DNAH5: variants seen among roughly 807,000 people sequenced by gnomAD.
DNAH5 encodes the protein dynein axonemal heavy chain 5.
In DNAH5, 372 loss-of-function variants were observed where a neutral mutation model predicts 518.2. The observed-to-expected ratio is 0.72, with a 90% CI of 0.66 to 0.78. DNAH5 has a LOEUF of 0.78. DNAH5 is among the 30% of genes least tolerant of loss of function. The pLI, the probability that DNAH5 is intolerant of heterozygous loss-of-function variation, is 0.00. For missense variants in DNAH5, 5,523 were observed against 5,687.0 expected (o/e 0.97, Z 0.93); for synonymous variants, 2,039 against 2,025.9 (o/e 1.01, Z -0.17).
chr5:13,797,176 G>A (rs1041458702), intron 47 of DNAH5, among the ~76,000 whole-genome samples: 2 of 152,144 alleles, frequency 1.3e-5, no homozygotes, highest in South Asian at 2.1e-4. Flanking sequence ...AAAAGCAATG[G>A]CAACAAAAGC....
chr5:13,828,480 G>T (rs1372198059), intron 38 of DNAH5, among the ~76,000 whole-genome samples: 1 of 152,130 alleles, frequency 6.6e-6, no homozygotes, highest in Admixed American at 6.5e-5. Flanking sequence ...ATATCACCTT[G>T]AGAGTAGGCA....
intron 56 of DNAH5, among the ~76,000 whole-genome samples, chr5:13,770,024 G>C (rs1427821889): frequency 3.9e-5 from 6 of 152,194 alleles, no homozygotes; most frequent in Non-Finnish European, 8.8e-5. Context: ...AATGATGTGG[G>C]CTTAAGAAAC....
chr5:13,871,699 C>T lies in DNAH5; in HGVS notation c.3463G>A (p.Ala1155Thr). The change falls in exon 23 of 79, where the codon GCC becomes ACC. Residue 1155 changes from alanine (A) to threonine (T), a missense_variant. Around this residue, in one of 3 missense-constraint regions of DNAH5, gnomAD observed 5,121 missense variants for 5,223.3 expected, o/e 0.98. Transcript: ENST00000265104. ...CTCTGTGTAATAAATGTCTTAATGG[C>T]TTCTTCTTTTCCCTTTTGCCAAATG... ...NHIWQKGKEE[A>T]IKTFITQSPL... 1.2e-6 allele frequency: 2 copies of T among 1,613,758 alleles called. No individual in the cohort carries two copies. Among genetic ancestry groups the T allele is most frequent in the Admixed American group, 3.3e-5 (2 of 59,936 alleles).
intron 22 of DNAH5, 114 bp from the exon 23 acceptor site, chr5:13,871,879 G>A (rs1181803831): frequency 3.2e-6 from 3 of 937,930 alleles, no homozygotes; most frequent in Non-Finnish European, 5.0e-6. Flanking sequence ...AATGTTTAGT[G>A]AACTGTGTGA....
intron 17 of DNAH5, among the ~76,000 whole-genome samples, chr5:13,888,096 T>A (rs527327190): frequency 1.3e-5 from 2 of 152,182 alleles, no homozygotes; most frequent in South Asian, 4.1e-4. Flanking sequence ...CAACTCCCAC[T>A]GCCCTCATGC....
chr5:13,776,714 A>C lies in DNAH5; in HGVS notation c.9106-8T>G. 6.2e-7 allele frequency: 1 copy of C among 1,613,512 alleles called. No homozygotes were observed. On this transcript the variant is annotated splice_region_variant and splice_polypyrimidine_tract_variant and intron_variant, in intron 54 of 78. Transcript: ENST00000265104. ...AGCAAATAGGTTAGAGACCTTAAAA[A>C]GAAGTACAGGCATGCAAATTCAGTA... is the stretch of plus-strand genomic sequence containing the variant.
At position 13,809,927 on chromosome 5, in the gene DNAH5, A is replaced by G. The variant is rs1475389123; in HGVS notation, c.7609+132T>C. 6 of 939,370 alleles carry G rather than the reference A, an allele frequency of 6.4e-6. No individual in the cohort carries two copies. The African/African-American group carries it at 8.2e-5, about 13-fold the overall frequency. 58.2% of individuals were successfully genotyped at this position (939,370 alleles called of 1,614,324 possible). ...AGAAACCACTGTTCACTTTCTTCAC[A>G]CACGAACGTTTTCATATCTTACAGC... On this transcript the variant is annotated intron_variant, in intron 45 of 78. Coordinates refer to ENST00000265104, the MANE Select transcript of DNAH5 (RefSeq NM_001369.3).
intron 1 of DNAH5, among the ~76,000 whole-genome samples, chr5:13,981,710 C>T (rs1334788623): frequency 6.6e-6 from 1 of 152,180 alleles, no homozygotes; most frequent in Non-Finnish European, 1.5e-5. Flanking sequence ...TCAGCTTTAT[C>T]AGTAATAACA....
At chr5:13,914,027 A>T in intron 10 of DNAH5, 69 bp from the exon 11 acceptor site, 1 of 1,545,270 alleles carries the variant, frequency 6.5e-7, no homozygotes. Flanking sequence ...TCTTAAGTGA[A>T]GGCGACAGCA....
chr5:13,809,233 T>C (rs1037519943), intron 45 of DNAH5, 47 bp from the exon 46 acceptor site: 1 of 1,608,882 alleles, frequency 6.2e-7, no homozygotes, highest in Non-Finnish European at 8.5e-7. Flanking sequence ...ATAATTCAAC[T>C]CCGAACTGTA....
At chr5:13,923,175 T>C in intron 4 of DNAH5, 105 bp downstream of exon 4, 3 of 1,433,288 alleles carry the variant, frequency 2.1e-6, no homozygotes, top group South Asian at 2.4e-5. Context: ...AAAGTAGTTT[T>C]AGATACTGTA....
Position 13,713,434 on chromosome 5 carries a change from C to CATATATATATATAT in DNAH5, c.13125+957_13125+970dup, listed in dbSNP as rs200836910. Among the ~76,000 whole-genome samples the CATATATATATATAT allele has an allele frequency of 1.1e-3, 81 of 70,630 alleles. 2 individuals carry two copies. The highest frequency in any genetic ancestry group is 4.1e-3 in the African/African-American group (69 of 16,978). The allele number at this position is 70,630 out of a possible 152,430, so 46.3% of individuals were successfully genotyped here. A position where few individuals can be genotyped will look rare whatever the true frequency, so the allele number is the denominator to read the frequency against. On this transcript the variant is annotated intron_variant, in intron 75 of 78. Coordinates refer to ENST00000265104, the MANE Select transcript of DNAH5 (RefSeq NM_001369.3). ...ACCGACATATATATATATACATCGA[C>CATATATATATATAT]ATATATATATATATATATATATATA...
At position 13,748,287 on chromosome 5, in the gene DNAH5, T is replaced by C. The variant is rs560814395; in HGVS notation, c.11211+2791A>G. Among the ~76,000 whole-genome samples the C allele has an allele frequency of 5.9e-5, 9 of 152,342 alleles. No individual in the cohort carries two copies. The South Asian group carries it at 1.7e-3, about 28-fold the overall frequency. The stretch of plus-strand genomic sequence containing the variant: ...TGCTGTTTTCGTTACTATAACCTTG[T>C]AGTATGTTTGAAGTCAGGTAGCGTG... On this transcript the variant is annotated intron_variant, in intron 65 of 78. Transcript: ENST00000265104.
chr5:13,901,104 C>T, intron 14 of DNAH5, 148 bp downstream of exon 14: 1 of 759,396 alleles, frequency 1.3e-6, no homozygotes, highest in Non-Finnish European at 2.2e-6. Context: ...TCTTTGTGGA[C>T]ATATTACACT....
intron 60 of DNAH5, among the ~76,000 whole-genome samples, chr5:13,761,182 T>C (rs1751718290): frequency 1.3e-5 from 2 of 152,334 alleles, no homozygotes; most frequent in East Asian, 1.9e-4. Context: ...AGAGATCTCA[T>C]TGTTCTTATG....
intron 13 of DNAH5, 42 bp from the exon 14 acceptor site, chr5:13,901,615 A>C: frequency 8.2e-7 from 1 of 1,220,404 alleles, no homozygotes; most frequent in Non-Finnish European, 1.2e-6. Context: ...TAATGGAATA[A>C]AATAAATAAA....
chr5:13,843,149 T>C (rs1765514942), intron 32 of DNAH5, among the ~76,000 whole-genome samples: 1 of 152,198 alleles, frequency 6.6e-6, no homozygotes, highest in Non-Finnish European at 1.5e-5. Flanking sequence ...AAATCCATCC[T>C]GTTTTCCTTC....
At chr5:13,871,908 GA>G (rs778388353) in intron 22 of DNAH5, 143 bp from the exon 23 acceptor site, 86 of 766,390 alleles carry the variant, frequency 1.1e-4, no homozygotes, top group Non-Finnish European at 1.6e-4. Context: ...AAATGCCAAA[GA>G]ACTGGGACTA....
intron 53 of DNAH5, among the ~76,000 whole-genome samples, chr5:13,779,445 G>T (rs1754762149): frequency 6.6e-6 from 1 of 152,066 alleles, no homozygotes; most frequent in South Asian, 2.1e-4. Flanking sequence ...GTATCTATGG[G>T]CCTCCCTCAA....
Sources: allele counts gnomAD v4.1 joint callset (sites outside exome capture counted in the v4.1 genomes callset), GRCh38; gene constraint gnomAD v4.1.1; regional missense constraint gnomAD v4.1.1; transcripts MANE v1.5; gene names NCBI Gene and HGNC (gene_info 2026-07-23, HGNC 2026-07-21).